Variants in BMP2 observed in about 807,000 individuals in gnomAD.
BMP2 encodes the protein bone morphogenetic protein 2A.
In BMP2, 2 loss-of-function variants were observed where a neutral mutation model predicts 28.8. That is an observed-to-expected ratio of 0.07 (90% CI 0.03 to 0.22). BMP2 has a LOEUF of 0.22. Ranked by LOEUF, BMP2 falls within the 10% of genes least tolerant of loss-of-function variation. The pLI is 1.00. For missense variants in BMP2, 437 were observed against 517.7 expected (o/e 0.84, Z 1.51); for synonymous variants, 218 against 204.3 (o/e 1.07, Z -0.57).
Position 6,770,216 on chromosome 20 carries a change from C to G in BMP2, c.90C>G (p.Arg30=). 1 of 1,597,542 alleles carries G rather than the reference C, an allele frequency of 6.3e-7. No homozygotes were observed. Among genetic ancestry groups the G allele is most frequent in the South Asian group, 1.1e-5 (1 of 88,936 alleles). ...CTGGCCTCGTTCCGGAGCTGGGCCGCAGGAAGTTCGCGGCGGCGTCGTCGG... is the reference window on the plus strand; with the variant it reads ...CTGGCCTCGTTCCGGAGCTGGGCCGGAGGAAGTTCGCGGCGGCGTCGTCGG... ...GAAGLVPELG[R]RKFAAASSGR... is the part of the protein sequence containing the mutation. Residue 30 remains arginine (R), a synonymous_variant, in exon 2 of 3, where the codon CGC becomes CGG. Transcript: ENST00000378827.
rs1003532224 is a variant in BMP2 at position 6,779,940 on chromosome 20, A to G, written c.*851A>G. 1 of 152,478 alleles carries G rather than the reference A, an allele frequency of 6.6e-6. No individual in the cohort carries two copies. Among genetic ancestry groups the G allele is most frequent in the Non-Finnish European group, 1.5e-5 (1 of 68,042 alleles). The allele number at this position is 152,478 out of a possible 1,614,324, so 9.4% of individuals were successfully genotyped here. On this transcript the variant is annotated 3_prime_UTR_variant, in exon 3 of 3. Transcript: ENST00000378827. ...CTGATCTGGCCAAAGTATTCAATAA[A>G]ACGTAAGATTTCTTCATTATTGATA...
chr20:6,778,757 A>G lies in BMP2; in HGVS notation c.859A>G (p.Lys287Glu). The change falls in exon 3 of 3, where the codon AAA becomes GAA. Residue 287 changes from lysine to glutamate, a missense_variant. Coordinates refer to ENST00000378827, the MANE Select transcript of BMP2 (RefSeq NM_001200.4). The surrounding 1 kb of genome is among the most constrained non-coding windows in gnomAD (Gnocchi z 5.0). Reference protein sequence around the residue: ...HKREKRQAKHKQRKRLKSSCK... With the variant: ...HKREKRQAKHEQRKRLKSSCK... ...AAGAGAAAAACGTCAAGCCAAACACAAACAGCGGAAACGCCTTAAGTCCAG... is the reference window on the plus strand; with the variant it reads ...AAGAGAAAAACGTCAAGCCAAACACGAACAGCGGAAACGCCTTAAGTCCAG... The G allele has an allele frequency of 1.2e-6, 2 of 1,614,216 alleles. No individual in the cohort carries two copies. The highest frequency in any genetic ancestry group is 8.5e-7 in the Non-Finnish European group (1 of 1,180,032).
In BMP2 at chr20:6,778,311, C is replaced by T; in HGVS notation, c.413C>T (p.Ser138Phe). 1 of 1,614,016 alleles carries T rather than the reference C, an allele frequency of 6.2e-7. No individual in the cohort carries two copies. The highest frequency in any genetic ancestry group is 8.5e-7 in the Non-Finnish European group (1 of 1,179,974). The change falls in exon 3 of 3, where the codon TCT (serine) becomes TTT (phenylalanine). Residue 138 changes from serine (S) to phenylalanine (F), a missense_variant. This residue lies in a region of BMP2 where 363 missense variants were observed against 392.8 expected (regional missense o/e 0.92). Coordinates refer to ENST00000378827, the MANE Select transcript of BMP2 (RefSeq NM_001200.4). The surrounding 1 kb of genome is among the most constrained non-coding windows in gnomAD (Gnocchi z 5.0). Reference protein sequence around the residue: ...TTRRFFFNLSSIPTEEFITSA... With the variant: ...TTRRFFFNLSFIPTEEFITSA... ...CGGAGATTCTTCTTTAATTTAAGTT[C>T]TATCCCCACGGAGGAGTTTATCACC...
chr20:6,768,279 T>C lies in BMP2; in HGVS notation c.-604T>C, dbSNP rs1986298036. 1 of 397,462 alleles carries C rather than the reference T, an allele frequency of 2.5e-6. No homozygotes were observed. The allele number at this position is 397,462 out of a possible 1,614,324, so 24.6% of individuals were successfully genotyped here. ...GGTGCACTGGAGTAAGGCAGAGTGA[T>C]GCGGGGGGGCAACTCGCCTGGCACC... On this transcript the variant is annotated 5_prime_UTR_variant, in exon 1 of 3. The change abolishes an upstream ATG in the 5' untranslated region. Transcript: ENST00000378827.
chr20:6,778,095 T>G lies in BMP2; in HGVS notation c.347-150T>G, dbSNP rs906190454. 1.6e-5 allele frequency: 19 copies of G among 1,187,580 alleles called. 1 individual carries two copies. The Admixed American group carries it at 2.0e-4, about 12-fold the overall frequency. 73.6% of individuals were successfully genotyped at this position (1,187,580 alleles called of 1,614,324 possible). A position where few individuals can be genotyped will look rare whatever the true frequency, so the allele number is the denominator to read the frequency against. On this transcript the variant is annotated intron_variant, in intron 2 of 2. Transcript: ENST00000378827. The surrounding 1 kb of genome is among the most constrained non-coding windows in gnomAD (Gnocchi z 5.0). ...GCTCCATGTTTATTTAAAGAGGAAA[T>G]TTTTATTTTCTGGTTACCTACTTTT... is the stretch of plus-strand genomic sequence containing the variant.
Position 6,770,262 on chromosome 20 carries a change from T to C in BMP2, c.136T>C (p.Ser46Pro). 1 of 1,612,002 alleles carries C rather than the reference T, an allele frequency of 6.2e-7. No individual in the cohort carries two copies. Among genetic ancestry groups the C allele is most frequent in the Non-Finnish European group, 8.5e-7 (1 of 1,179,294 alleles). The change falls in exon 2 of 3, where the codon TCT becomes CCT. Residue 46 changes from serine (S) to proline (P), a missense_variant. Coordinates refer to ENST00000378827, the MANE Select transcript of BMP2 (RefSeq NM_001200.4). ...ASSGRPSSQP[S>P]DEVLSEFELR... ...GTCGGGCCGCCCCTCATCCCAGCCC[T>C]CTGACGAGGTCCTGAGCGAGTTCGA...
intron 1 of BMP2, among the ~76,000 whole-genome samples, chr20:6,769,298 GT>G (rs1192486581): frequency 1.3e-5 from 2 of 152,132 alleles, no homozygotes; most frequent in African/African-American, 4.8e-5. Context: ...GGGAGACTTG[GT>G]TTCTTTGCTC....
At position 6,768,342 on chromosome 20, in the gene BMP2, C is replaced by T. The variant is rs1352626773; in HGVS notation, c.-541C>T. The stretch of plus-strand genomic sequence containing the variant: ...GTGCCCTTCCCTGGACCCGGCGTCG[C>T]CCAGGATGGCTGCCCCGAGCCATGG... On this transcript the variant is annotated 5_prime_UTR_variant, in exon 1 of 3. Coordinates refer to ENST00000378827, the MANE Select transcript of BMP2 (RefSeq NM_001200.4). 1 of 397,540 alleles carries T rather than the reference C, an allele frequency of 2.5e-6. No homozygotes were observed. The highest frequency in any genetic ancestry group is 4.4e-6 in the Non-Finnish European group (1 of 225,482). 24.6% of individuals were successfully genotyped at this position (397,540 alleles called of 1,614,324 possible).
chr20:6,776,577 T>C (rs1192230452), intron 2 of BMP2, among the ~76,000 whole-genome samples: 1 of 152,188 alleles, frequency 6.6e-6, no homozygotes, highest in Non-Finnish European at 1.5e-5. Context: ...CAGAATCCCC[T>C]CCTTGAGGAG....
At chr20:6,769,611 G>GGGTGTGTGTGT (rs1986343297) in intron 1 of BMP2, among the ~76,000 whole-genome samples, 1 of 111,126 alleles carries the variant, frequency 9.0e-6, no homozygotes, top group Non-Finnish European at 1.8e-5. Flanking sequence ...GAAGCTATAA[G>GGGTGTGTGTGT]GGTGTGTGTG....
intron 2 of BMP2, among the ~76,000 whole-genome samples, chr20:6,777,399 A>G (rs1354131708): frequency 6.6e-6 from 1 of 151,740 alleles, no homozygotes; most frequent in Non-Finnish European, 1.5e-5. Context: ...CTGGGTAGGT[A>G]CATGGTTTTT....
intron 2 of BMP2, among the ~76,000 whole-genome samples, chr20:6,773,200 A>G (rs1204079924): frequency 6.6e-6 from 1 of 152,246 alleles, no homozygotes; most frequent in Non-Finnish European, 1.5e-5. Context: ...AAATATAATT[A>G]TTATGAAAAT....
At chr20:6,769,856 G>T (rs902465974) in intron 1 of BMP2, among the ~76,000 whole-genome samples, 1 of 152,010 alleles carries the variant, frequency 6.6e-6, no homozygotes, top group African/African-American at 2.4e-5. Flanking sequence ...TGGTTTGGTT[G>T]GGGGGGAGGG....
chr20:6,770,177 C>A lies in BMP2; in HGVS notation c.51C>A (p.Leu17=). 1 of 1,583,184 alleles carries A rather than the reference C, an allele frequency of 6.3e-7. No individual in the cohort carries two copies. The highest frequency in any genetic ancestry group is 8.6e-7 in the Non-Finnish European group (1 of 1,164,934). ...TAGCGTTGCTGCTTCCCCAGGTCCT[C>A]CTGGGCGGCGCGGCTGGCCTCGTTC... ...CLLALLLPQV[L]LGGAAGLVPE... is the part of the protein sequence containing the mutation. Residue 17 remains leucine (L), a synonymous_variant, in exon 2 of 3, where the codon CTC becomes CTA. Transcript: ENST00000378827.
At chr20:6,771,350 C>T (rs1986394523) in intron 2 of BMP2, among the ~76,000 whole-genome samples, 1 of 152,176 alleles carries the variant, frequency 6.6e-6, no homozygotes, top group African/African-American at 2.4e-5. Context: ...ATATGTTCCA[C>T]TTCAATTCTT....
In BMP2 at chr20:6,767,840, C is replaced by G. The variant is rs2122369399; in HGVS notation, c.-1043C>G. The G allele has an allele frequency of 2.9e-6, 1 of 345,838 alleles. No individual in the cohort carries two copies. Among genetic ancestry groups the G allele is most frequent in the African/African-American group, 2.1e-5 (1 of 46,662 alleles). 21.4% of individuals were successfully genotyped at this position (345,838 alleles called of 1,614,324 possible). A position where few individuals can be genotyped will look rare whatever the true frequency, so the allele number is the denominator to read the frequency against. On this transcript the variant is annotated 5_prime_UTR_variant, in exon 1 of 3. Transcript: ENST00000378827. ...AGCCTCCGCCGGCTACCCGAACGTT[C>G]TCGGGGCCAGCGCCGAGTGGATCAC...
intron 2 of BMP2, among the ~76,000 whole-genome samples, chr20:6,773,286 AAAC>A (rs1290232656): frequency 6.6e-6 from 1 of 152,244 alleles, no homozygotes; most frequent in African/African-American, 2.4e-5. Context: ...TCCCCCGTGC[AAAC>A]AACAGATTTG....
At chr20:6,777,692 C>T (rs897326869) in intron 2 of BMP2, among the ~76,000 whole-genome samples, 1 of 152,114 alleles carries the variant, frequency 6.6e-6, no homozygotes, top group Admixed American at 6.5e-5. Context: ...AAAATGTCAT[C>T]GTTGATGTTG....
chr20:6,776,041 G>C (rs542162227), intron 2 of BMP2, among the ~76,000 whole-genome samples: 3 of 152,094 alleles, frequency 2.0e-5, no homozygotes, highest in Non-Finnish European at 4.4e-5. Context: ...TGGGGTCTGA[G>C]GTTGCTGACT....
Sources: gnomAD v4.1 joint callset for allele counts (sites outside exome capture counted in the v4.1 genomes callset) on GRCh38, gnomAD v4.1.1 for gene constraint, gnomAD v4.1.1 regional missense constraint, Gnocchi (gnomAD v3.1) non-coding constraint, MANE v1.5 for transcripts, NCBI Gene and HGNC (gene_info 2026-07-23, HGNC 2026-07-21) for gene names.